RNF180: variants seen among roughly 807,000 people sequenced by gnomAD.
RNF180 encodes the protein ring finger protein 180, also known as E3 ubiquitin-protein ligase RNF180.
A neutral mutation model predicts 59.2 loss-of-function variants in RNF180; 38 were observed. The ratio of observed to expected loss-of-function variants is 0.64; its 90% confidence interval spans 0.50 to 0.84. The LOEUF (loss-of-function observed/expected upper bound fraction) is 0.84, where lower values mean the gene tolerates loss of function less well. Among genes scored for constraint, RNF180 ranks in the 40% least tolerant of loss-of-function variants. The pLI is 0.00. For missense variants in RNF180, 705 were observed against 700.9 expected (o/e 1.01, Z -0.07); for synonymous variants, 262 against 240.3 (o/e 1.09, Z -0.84).
intron 5 of RNF180, among the ~76,000 whole-genome samples, chr5:64,277,804 A>G (rs1175749665): frequency 6.6e-6 from 1 of 152,182 alleles, no homozygotes; most frequent in Admixed American, 6.6e-5. Flanking sequence ...TCCTTTCATC[A>G]GGAAATCAAA....
At chr5:64,170,164 C>T (rs1431376879) in intron 1 of RNF180, among the ~76,000 whole-genome samples, 1 of 152,206 alleles carries the variant, frequency 6.6e-6, no homozygotes, top group Non-Finnish European at 1.5e-5. Context: ...GACTGCTTCC[C>T]AGTTCTGTTG....
At chr5:64,332,392 C>CT (rs1744947253) in intron 7 of RNF180, among the ~76,000 whole-genome samples, 1 of 152,056 alleles carries the variant, frequency 6.6e-6, no homozygotes, top group Admixed American at 6.5e-5. Context: ...GTAACAGAGC[C>CT]TTGGTGTCAG....
chr5:64,250,623 T>G (rs1376464295), intron 5 of RNF180, among the ~76,000 whole-genome samples: 1 of 152,076 alleles, frequency 6.6e-6, no homozygotes, highest in Non-Finnish European at 1.5e-5. Flanking sequence ...GACACTATTA[T>G]GAACAATTAT....
chr5:64,219,643 A>C lies in RNF180; in HGVS notation c.1227+2247A>C, dbSNP rs776658979. Reference sequence around the variant, plus strand: ...GATTCTTCTGCCTCAGCCTCCTGAGAGCTGGGACTACAAGCGCACGCCACC... The same window carrying C: ...GATTCTTCTGCCTCAGCCTCCTGAGCGCTGGGACTACAAGCGCACGCCACC... On this transcript the variant is annotated intron_variant, in intron 5 of 7. Transcript: ENST00000389100. 5.3e-5 allele frequency among the ~76,000 whole-genome samples: 8 copies of C among 151,496 alleles called. No individual in the cohort carries two copies. The South Asian group carries it at 1.7e-3, about 32-fold the overall frequency.
At chr5:64,317,149 C>CGT (rs140830557) in intron 5 of RNF180, among the ~76,000 whole-genome samples, 38 of 151,294 alleles carry the variant, frequency 2.5e-4, no homozygotes, top group Non-Finnish European at 1.9e-4. Context: ...TATGTGTGTG[C>CGT]GTGTGTGTGT....
chr5:64,317,434 CTTGT>C (rs1192302175), intron 5 of RNF180, among the ~76,000 whole-genome samples: 1 of 151,900 alleles, frequency 6.6e-6, no homozygotes, highest in African/African-American at 2.4e-5. Context: ...TGCCAACAGA[CTTGT>C]TTGTCACAGG....
At chr5:64,266,422 CT>C (rs1213574989) in intron 5 of RNF180, among the ~76,000 whole-genome samples, 1 of 152,040 alleles carries the variant, frequency 6.6e-6, no homozygotes, top group Non-Finnish European at 1.5e-5. Flanking sequence ...CAGGCTTCTT[CT>C]TTTATAAAGT....
intron 5 of RNF180, among the ~76,000 whole-genome samples, chr5:64,266,827 A>C (rs960681589): frequency 6.6e-6 from 1 of 152,166 alleles, no homozygotes; most frequent in African/African-American, 2.4e-5. Context: ...ATAAGACCTC[A>C]GTCCCTTATT....
At chr5:64,167,590 A>G (rs531370179) in intron 1 of RNF180, among the ~76,000 whole-genome samples, 2 of 152,212 alleles carry the variant, frequency 1.3e-5, no homozygotes, top group Admixed American at 1.3e-4. Flanking sequence ...CACCTCATAC[A>G]TGAAGCAGGA....
intron 1 of RNF180, among the ~76,000 whole-genome samples, chr5:64,176,110 A>T (rs997533664): frequency 6.6e-6 from 1 of 152,128 alleles, no homozygotes; most frequent in Non-Finnish European, 1.5e-5. Context: ...CTGGGCCTTT[A>T]CTTTGATGTG....
chr5:64,330,294 C>T lies in RNF180; in HGVS notation c.1467C>T (p.Ala489=), dbSNP rs1325837282. 1 of 1,486,666 alleles carries T rather than the reference C, an allele frequency of 6.7e-7. No homozygotes were observed. Among genetic ancestry groups the T allele is most frequent in the Admixed American group, 2.2e-5 (1 of 45,780 alleles). The allele number at this position is 1,486,666 out of a possible 1,614,324, so 92.1% of individuals were successfully genotyped here. The change falls in exon 7 of 8, where the codon GCC becomes GCT. Residue 489 remains alanine, a synonymous_variant. Coordinates refer to ENST00000389100, the MANE Select transcript of RNF180 (RefSeq NM_001113561.2). ...GCTTTATTCTAGAATTGAACAATGCCACAAAAACTTTCTTTACTAAAGAAT... is the reference window on the plus strand; with the variant it reads ...GCTTTATTCTAGAATTGAACAATGCTACAAAAACTTTCTTTACTAAAGAAT... ...RVFFQTELNN[A]TKTFFTKEYL... is the part of the protein sequence containing the mutation.
At chr5:64,283,368 T>C (rs1003286172) in intron 5 of RNF180, among the ~76,000 whole-genome samples, 1 of 152,184 alleles carries the variant, frequency 6.6e-6, no homozygotes, top group Non-Finnish European at 1.5e-5. Context: ...TGGGTGTTAC[T>C]GGATATAAGA....
chr5:64,231,114 G>C (rs1742074076), intron 5 of RNF180, among the ~76,000 whole-genome samples: 1 of 152,178 alleles, frequency 6.6e-6, no homozygotes, highest in African/African-American at 2.4e-5. Context: ...GGGCTGCTTA[G>C]GTAAAAGGTA....
intron 7 of RNF180, among the ~76,000 whole-genome samples, chr5:64,361,577 T>G (rs898235195): frequency 4.6e-5 from 7 of 151,534 alleles, no homozygotes; most frequent in African/African-American, 1.7e-4. Context: ...AAAAAGTGTT[T>G]GAAGTATGTG....
At chr5:64,189,493 A>G (rs1188804445) in intron 1 of RNF180, among the ~76,000 whole-genome samples, 1 of 152,196 alleles carries the variant, frequency 6.6e-6, no homozygotes, top group African/African-American at 2.4e-5. Context: ...AAAAGAAAAG[A>G]AAAACCTTGG....
intron 5 of RNF180, among the ~76,000 whole-genome samples, chr5:64,246,600 G>A (rs1480533182): frequency 6.6e-6 from 1 of 152,144 alleles, no homozygotes; most frequent in Non-Finnish European, 1.5e-5. Flanking sequence ...AACAAGTTCT[G>A]AAATTGAGGC....
chr5:64,217,306 T>G (rs1052722010), intron 4 of RNF180, 55 bp from the exon 5 acceptor site: 3 of 1,341,248 alleles, frequency 2.2e-6, no homozygotes, highest in Non-Finnish European at 2.9e-6. Context: ...GAATAGAACT[T>G]TTACAGACAT....
intron 5 of RNF180, among the ~76,000 whole-genome samples, chr5:64,275,906 T>G (rs1197307895): frequency 6.6e-6 from 1 of 152,088 alleles, no homozygotes; most frequent in African/African-American, 2.4e-5. Context: ...TTGCTTTCTC[T>G]TTAGAGTGTA....
chr5:64,188,886 A>C (rs1277286527), intron 1 of RNF180, among the ~76,000 whole-genome samples: 1 of 152,158 alleles, frequency 6.6e-6, no homozygotes, highest in Non-Finnish European at 1.5e-5. Context: ...CATATGTTAA[A>C]GCCTTAACTC....
Sources: gnomAD v4.1 joint callset for allele counts (sites outside exome capture counted in the v4.1 genomes callset) on GRCh38, gnomAD v4.1.1 for gene constraint, MANE v1.5 for transcripts, NCBI Gene and HGNC (gene_info 2026-07-23, HGNC 2026-07-21) for gene names.